Variants in NALF1 observed in about 807,000 individuals in gnomAD.
The protein encoded by NALF1 is family with sequence similarity 155 member A.
In NALF1, 3 loss-of-function variants were observed where a neutral mutation model predicts 48.4. The observed-to-expected ratio is 0.06, with a 90% CI of 0.03 to 0.16. The LOEUF is 0.16. Ranked by LOEUF, NALF1 falls within the 10% of genes least tolerant of loss-of-function variation. The pLI, the probability that NALF1 is intolerant of heterozygous loss-of-function variation, is 1.00. For synonymous variants in NALF1, 262 were observed against 245.7 expected, an observed-to-expected ratio of 1.07 and a Z score of -0.62; for missense variants, 526 against 571.5, an observed-to-expected ratio of 0.92 and a Z score of 0.81.
intron 1 of NALF1, among the ~76,000 whole-genome samples, chr13:107,223,490 T>C (rs1880036786): frequency 6.6e-6 from 1 of 152,216 alleles, no homozygotes; most frequent in Admixed American, 6.5e-5. Flanking sequence ...TTAGATCATG[T>C]TATTGTCTAA....
In NALF1 at chr13:107,602,481, C is replaced by T. The variant is rs4771573; in HGVS notation, c.915+263201G>A. Among the ~76,000 whole-genome samples the T allele has an allele frequency of 0.021, 3,254 of 152,196 alleles. 220 individuals are homozygous for T. In the East Asian group the frequency reaches 0.26, roughly 12 times the overall value. ...GTTTTCCCATCTTTTAAAGGGATAA[C>T]GTAAAGTTGTTTCTCTGTCTCAAAT... On this transcript the variant is annotated intron_variant, in intron 1 of 2. Transcript: ENST00000375915.
chr13:107,350,246 A>G (rs1441889448), intron 1 of NALF1, among the ~76,000 whole-genome samples: 1 of 152,212 alleles, frequency 6.6e-6, no homozygotes, highest in East Asian at 1.9e-4. Context: ...AGACAAATTC[A>G]GTTACTAAGA....
intron 1 of NALF1, among the ~76,000 whole-genome samples, chr13:107,410,954 G>T (rs1029471728): frequency 6.6e-6 from 1 of 152,156 alleles, no homozygotes; most frequent in African/African-American, 2.4e-5. Flanking sequence ...TTCAATAATA[G>T]TAAGATTGGG....
intron 1 of NALF1, among the ~76,000 whole-genome samples, chr13:107,334,426 T>G (rs1020020882): frequency 1.3e-5 from 2 of 152,174 alleles, no homozygotes; most frequent in East Asian, 3.9e-4. Context: ...CCAAGCACTC[T>G]GCCCAATCAG....
chr13:107,606,343 CACAT>C (rs2138428458), intron 1 of NALF1, among the ~76,000 whole-genome samples: 1 of 150,986 alleles, frequency 6.6e-6, no homozygotes, highest in African/African-American at 2.4e-5. Context: ...TGTATATACA[CACAT>C]ATGTATATCT....
chr13:107,830,972 C>G (rs1405996784), intron 1 of NALF1, among the ~76,000 whole-genome samples: 3 of 152,178 alleles, frequency 2.0e-5, no homozygotes, highest in Non-Finnish European at 4.4e-5. Context: ...CCGCAAAGAG[C>G]ATGGGCTGAC....
intron 1 of NALF1, among the ~76,000 whole-genome samples, chr13:107,346,170 C>CGG (rs374921961): frequency 1.3e-5 from 2 of 150,760 alleles, no homozygotes. Context: ...TTGTTGGGGG[C>CGG]GGGGGGGCAG....
chr13:107,530,467 T>C (rs1444104845), intron 1 of NALF1, among the ~76,000 whole-genome samples: 2 of 152,150 alleles, frequency 1.3e-5, no homozygotes, highest in African/African-American at 4.8e-5. Context: ...CCATATAGAC[T>C]GAAGCAAAAT....
At position 107,163,625 on chromosome 13, in the gene NALF1, A is replaced by G. The variant is rs1193892318; in HGVS notation, c.*6872T>C. The G allele has an allele frequency of 6.6e-6, 1 of 152,214 alleles. No homozygotes were observed. The highest frequency in any genetic ancestry group is 1.5e-5 in the Non-Finnish European group (1 of 68,050). The allele number at this position is 152,214 out of a possible 1,614,324, so 9.4% of individuals were successfully genotyped here. On this transcript the variant is annotated 3_prime_UTR_variant, in exon 3 of 3. Transcript: ENST00000375915. ...AATATACTCCGGAATGTTCCTTTCCACATTCTTAGTCTCTCATAATTAACT... is the reference window on the plus strand; with the variant it reads ...AATATACTCCGGAATGTTCCTTTCCGCATTCTTAGTCTCTCATAATTAACT...
chr13:107,254,062 A>AAAAAAAAATATATATAT, intron 1 of NALF1, among the ~76,000 whole-genome samples: 5 of 138,582 alleles, frequency 3.6e-5, no homozygotes, highest in African/African-American at 1.1e-4. Flanking sequence ...CAAGTACTAA[A>AAAAAAAAATATATATAT]ATATATATAT....
intron 1 of NALF1, among the ~76,000 whole-genome samples, chr13:107,721,356 C>A (rs922781738): frequency 2.0e-5 from 3 of 152,214 alleles, no homozygotes; most frequent in Admixed American, 6.5e-5. Flanking sequence ...TCCACTGTGA[C>A]AGTCCTTCCA....
At chr13:107,786,487 T>TCTGA (rs1291953651) in intron 1 of NALF1, among the ~76,000 whole-genome samples, 1 of 131,818 alleles carries the variant, frequency 7.6e-6, no homozygotes, top group African/African-American at 2.9e-5. Flanking sequence ...ACTTTGGGAG[T>TCTGA]CTGAGGTGGG....
At chr13:107,692,223 C>A (rs1188129073) in intron 1 of NALF1, among the ~76,000 whole-genome samples, 1 of 152,178 alleles carries the variant, frequency 6.6e-6, no homozygotes, top group Non-Finnish European at 1.5e-5. Flanking sequence ...TAATTCATCT[C>A]TTTTCAAATT....
chr13:107,201,860 G>T (rs1367209397), intron 2 of NALF1, among the ~76,000 whole-genome samples: 6 of 152,124 alleles, frequency 3.9e-5, no homozygotes, highest in African/African-American at 1.2e-4. Context: ...TAAAGGAGGA[G>T]CTATTAGTGA....
At chr13:107,587,590 G>T (rs1201153422) in intron 1 of NALF1, among the ~76,000 whole-genome samples, 3 of 152,108 alleles carry the variant, frequency 2.0e-5, no homozygotes, top group Non-Finnish European at 4.4e-5. Flanking sequence ...ACTCTTATAA[G>T]TGAGTCTGAG....
intron 1 of NALF1, among the ~76,000 whole-genome samples, chr13:107,279,434 T>C (rs1881345735): frequency 2.0e-5 from 3 of 152,282 alleles, no homozygotes; most frequent in Admixed American, 2.0e-4. Flanking sequence ...TTTTGTATTT[T>C]TAGTAGAGAC....
intron 1 of NALF1, among the ~76,000 whole-genome samples, chr13:107,672,100 C>T (rs1219985389): frequency 6.6e-6 from 1 of 152,102 alleles, no homozygotes; most frequent in Non-Finnish European, 1.5e-5. Flanking sequence ...TTTTCCTGGA[C>T]ACTCCGGGGT....
chr13:107,358,165 CAT>C (rs376663710), intron 1 of NALF1, among the ~76,000 whole-genome samples: 4,864 of 112,852 alleles, frequency 0.043, 263 homozygotes, highest in African/African-American at 0.13. Context: ...ATATACGTAA[CAT>C]ATGTGTGTGT....
At chr13:107,228,207 G>A (rs1880144919) in intron 1 of NALF1, among the ~76,000 whole-genome samples, 1 of 152,146 alleles carries the variant, frequency 6.6e-6, no homozygotes, top group African/African-American at 2.4e-5. Context: ...AGGTAATGAA[G>A]CAGCATGGAA....
Sources: allele counts gnomAD v4.1 joint callset (sites outside exome capture counted in the v4.1 genomes callset), GRCh38; gene constraint gnomAD v4.1.1; transcripts MANE v1.5; gene names NCBI Gene and HGNC (gene_info 2026-07-23, HGNC 2026-07-21).